Variants in SLMAP observed in about 807,000 individuals in gnomAD.
The protein encoded by SLMAP is sarcolemma associated protein.
A neutral mutation model predicts 128.8 loss-of-function variants in SLMAP; 44 were observed. That is an observed-to-expected ratio of 0.34 (90% CI 0.27 to 0.44). The LOEUF is 0.44. Ranked by LOEUF, SLMAP falls within the 20% of genes least tolerant of loss-of-function variation. The pLI is 1.00. For synonymous variants in SLMAP, 327 were observed against 348.8 expected (o/e 0.94, Z 0.70); for missense variants, 787 against 985.3 (o/e 0.80, Z 2.69).
At chr3:57,894,096 A>G (rs972295786) in intron 15 of SLMAP, among the ~76,000 whole-genome samples, 1 of 152,190 alleles carries the variant, frequency 6.6e-6, no homozygotes, top group African/African-American at 2.4e-5. Flanking sequence ...TTCTTTCAAA[A>G]TAGAAAATAT....
chr3:57,857,780 T>A lies in SLMAP; in HGVS notation c.567T>A (p.Leu189=). 1 of 1,614,014 alleles carries A rather than the reference T, an allele frequency of 6.2e-7. No individual in the cohort carries two copies. Among genetic ancestry groups the A allele is most frequent in the Non-Finnish European group, 8.5e-7 (1 of 1,179,866 alleles). ...EQMLEQKLAT[L]QRLLAITQEA... ...TGTTGGAACAGAAGTTAGCCACGCTTCAGCGGCTACTAGCCATCACCCAAG... is the reference window on the plus strand; with the variant it reads ...TGTTGGAACAGAAGTTAGCCACGCTACAGCGGCTACTAGCCATCACCCAAG... Residue 189 remains leucine, a synonymous_variant, in exon 7 of 25, where the codon CTT becomes CTA. Coordinates refer to ENST00000671191, the MANE Select transcript of SLMAP (RefSeq NM_001377540.1).
intron 2 of SLMAP, among the ~76,000 whole-genome samples, chr3:57,820,663 G>A (rs986898691): frequency 1.3e-5 from 2 of 152,154 alleles, no homozygotes; most frequent in East Asian, 1.9e-4. Flanking sequence ...CCCTCCTAGC[G>A]ACCATCTCAG....
chr3:57,829,738 G>A (rs1419986962), intron 2 of SLMAP, among the ~76,000 whole-genome samples: 4 of 152,124 alleles, frequency 2.6e-5, no homozygotes, highest in South Asian at 2.1e-4. Context: ...CAGCCTAGTG[G>A]CCTTTATATT....
intron 17 of SLMAP, chr3:57,897,163 G>T: frequency 8.2e-7 from 1 of 1,218,790 alleles, no homozygotes. Context: ...AGTGTTAAGT[G>T]GTAGAATATG....
At chr3:57,892,058 A>T (rs2096088920) in intron 15 of SLMAP, among the ~76,000 whole-genome samples, 1 of 152,202 alleles carries the variant, frequency 6.6e-6, no homozygotes, top group Non-Finnish European at 1.5e-5. Flanking sequence ...TACAAATATA[A>T]GTTTTAAATA....
Position 57,887,078 on chromosome 3 carries a change from G to GA in SLMAP, c.1301-2955dup, listed in dbSNP as rs889612109. On this transcript the variant is annotated intron_variant, in intron 14 of 24. Transcript: ENST00000671191. ...TTATGTGAATTTCACCTCATTTAAG[G>GA]AAAAAAAAGAGAAAAAAGAGACTAC... is the stretch of plus-strand genomic sequence containing the variant. Among the ~76,000 whole-genome samples, 3 of 149,804 alleles carry GA rather than the reference G, an allele frequency of 2.0e-5. No individual in the cohort carries two copies. The East Asian group carries it at 5.9e-4, about 29-fold the overall frequency.
intron 12 of SLMAP, 23 bp from the exon 13 acceptor site, chr3:57,865,219 A>G (rs1252608091): frequency 3.0e-6 from 4 of 1,333,986 alleles, no homozygotes; most frequent in African/African-American, 3.0e-5. Flanking sequence ...TGATCAGGCA[A>G]TGATATACTG....
At chr3:57,788,946 G>A (rs1170245973) in intron 2 of SLMAP, among the ~76,000 whole-genome samples, 1 of 152,150 alleles carries the variant, frequency 6.6e-6, no homozygotes, top group Non-Finnish European at 1.5e-5. Context: ...CCATAAGAAA[G>A]GTAGTGTTTG....
At chr3:57,906,292 A>ATTTTTTT (rs1351679528) in intron 17 of SLMAP, among the ~76,000 whole-genome samples, 2 of 78,754 alleles carry the variant, frequency 2.5e-5, no homozygotes, top group Admixed American at 1.5e-4. Context: ...CCAGAATCAA[A>ATTTTTTT]TTTTTTTCTT....
rs567761876 is a variant in SLMAP at position 57,879,107 on chromosome 3, T to G, written c.1300+7409T>G. Among the ~76,000 whole-genome samples, 3 of 152,334 alleles carry G rather than the reference T, an allele frequency of 2.0e-5. No individual in the cohort carries two copies. In the East Asian group the frequency reaches 5.8e-4, roughly 29 times the overall value. On this transcript the variant is annotated intron_variant, in intron 14 of 24. Coordinates refer to ENST00000671191, the MANE Select transcript of SLMAP (RefSeq NM_001377540.1). ...TTCTGGGCTCAAGTGATCCTCCCAA[T>G]TTGGCCTTTCAAAGCATTGAGATTA...
chr3:57,923,594 T>C (rs1232156238), intron 23 of SLMAP, among the ~76,000 whole-genome samples: 1 of 152,218 alleles, frequency 6.6e-6, no homozygotes, highest in Non-Finnish European at 1.5e-5. Context: ...AGACAGATGG[T>C]CTTTAAAAAG....
intron 2 of SLMAP, among the ~76,000 whole-genome samples, chr3:57,775,155 C>T (rs1258459427): frequency 8.9e-6 from 1 of 112,110 alleles, no homozygotes; most frequent in Non-Finnish European, 1.8e-5. Context: ...CCTGGGTTCA[C>T]GCCATTTTCC....
At chr3:57,791,477 T>G (rs1452571878) in intron 2 of SLMAP, among the ~76,000 whole-genome samples, 1 of 152,216 alleles carries the variant, frequency 6.6e-6, no homozygotes, top group Non-Finnish European at 1.5e-5. Context: ...GAATCTGCAC[T>G]GTCACTTCCT....
At chr3:57,823,819 A>G (rs1211621560) in intron 2 of SLMAP, among the ~76,000 whole-genome samples, 3 of 152,250 alleles carry the variant, frequency 2.0e-5, no homozygotes, top group African/African-American at 4.8e-5. Context: ...TGGTTGAACT[A>G]GTTTACAGTC....
At chr3:57,824,408 C>G (rs1352140246) in intron 2 of SLMAP, among the ~76,000 whole-genome samples, 1 of 152,120 alleles carries the variant, frequency 6.6e-6, no homozygotes, top group Admixed American at 6.6e-5. Context: ...ATATTTAACT[C>G]TTTAATTTAT....
intron 23 of SLMAP, among the ~76,000 whole-genome samples, chr3:57,924,923 A>C (rs2096975951): frequency 6.7e-6 from 1 of 150,196 alleles, no homozygotes; most frequent in Admixed American, 6.6e-5. Context: ...GCTGGTGGTG[A>C]AGTATTGTCA....
At chr3:57,916,144 G>A (rs1349389097) in intron 21 of SLMAP, among the ~76,000 whole-genome samples, 2 of 149,644 alleles carry the variant, frequency 1.3e-5, no homozygotes, top group Non-Finnish European at 3.0e-5. Flanking sequence ...CAACAAGAGC[G>A]AAACTCTGTC....
chr3:57,892,991 G>A (rs2096130433), intron 15 of SLMAP, among the ~76,000 whole-genome samples: 1 of 151,710 alleles, frequency 6.6e-6, no homozygotes, highest in South Asian at 2.1e-4. Context: ...CCACTACCAC[G>A]CCTGGCTAAT....
In SLMAP at chr3:57,925,858, A is replaced by T. The variant is rs749048540; in HGVS notation, c.2459A>T (p.Gln820Leu). The T allele has an allele frequency of 1.3e-6, 2 of 1,550,806 alleles. No individual in the cohort carries two copies. Among genetic ancestry groups the T allele is most frequent in the African/African-American group, 2.7e-5 (2 of 73,018 alleles). ...TCCCTTCTTTAGCCTTCCATATTACAACCCGTCCCAGCCGTATTCATCGGC... is the reference window on the plus strand; with the variant it reads ...TCCCTTCTTTAGCCTTCCATATTACTACCCGTCCCAGCCGTATTCATCGGC... ...REKGNNPSILQPVPAVFIGLF... is the reference protein window; with the variant it reads ...REKGNNPSILLPVPAVFIGLF... Residue 820 changes from glutamine to leucine, a missense_variant, in exon 24 of 25, where the codon CAA becomes CTA. Physicochemically the swap from Gln to Leu is moderately radical, Grantham distance 113. Transcript: ENST00000671191.
Sources: allele counts gnomAD v4.1 joint callset (sites outside exome capture counted in the v4.1 genomes callset), GRCh38; gene constraint gnomAD v4.1.1; transcripts MANE v1.5; gene names NCBI Gene and HGNC (gene_info 2026-07-23, HGNC 2026-07-21).